SMUG1: variants seen among roughly 807,000 people sequenced by gnomAD.
The protein encoded by SMUG1 is single-strand-selective monofunctional uracil-DNA glycosylase 1.
Under a neutral mutation model 23.9 loss-of-function variants are expected in SMUG1, and 13 were observed. The ratio of observed to expected loss-of-function variants is 0.54; its 90% CI spans 0.35 to 0.86. The LOEUF is 0.86. Ranked by LOEUF, SMUG1 falls within the 40% of genes least tolerant of loss-of-function variation. The pLI, the probability that SMUG1 is intolerant of heterozygous loss-of-function variation, is 0.01. For synonymous variants in SMUG1, 133 were observed against 139.8 expected (o/e 0.95, Z 0.34); for missense variants, 313 against 339.5 (o/e 0.92, Z 0.61).
In SMUG1 at chr12:54,169,795, T is replaced by C. The variant is rs575882566; in HGVS notation, c.*52+2230A>G. Reference sequence around the variant, plus strand: ...GGTACTCAGTAAAATCAGGTAATAGTACATCTGTGGCTTGTTGAGAGCTGA... The same window carrying C: ...GGTACTCAGTAAAATCAGGTAATAGCACATCTGTGGCTTGTTGAGAGCTGA... On this transcript the variant is annotated intron_variant and NMD_transcript_variant, in intron 3 of 4. Coordinates refer to the SMUG1 transcript ENST00000509864. 1.1e-4 allele frequency among the ~76,000 whole-genome samples: 16 copies of C among 152,290 alleles called. No individual in the cohort carries two copies. The South Asian group carries it at 2.9e-3, about 28-fold the overall frequency.
Position 54,181,567 on chromosome 12 carries a change from C to A in SMUG1, c.*529G>T. ...GTCTTCTGACTTGCACTCTGTCACA[C>A]TGGATTTTTCCTCTGATCCAGCTGC... On this transcript the variant is annotated 3_prime_UTR_variant, in exon 4 of 4. Coordinates refer to ENST00000682136, the MANE Select transcript of SMUG1 (RefSeq NM_001243787.2). The A allele has an allele frequency of 6.4e-7, 1 of 1,555,126 alleles. No homozygotes were observed. Among genetic ancestry groups the A allele is most frequent in the Non-Finnish European group, 8.6e-7 (1 of 1,156,752 alleles).
downstream of SMUG1, among the ~76,000 whole-genome samples, chr12:54,162,979 C>A (rs377354600): frequency 4.0e-4 from 61 of 152,184 alleles, no homozygotes; most frequent in African/African-American, 1.4e-3. Context: ...AGGGAGCTGT[C>A]GGGCTAGGAG....
intron 4 of SMUG1, among the ~76,000 whole-genome samples, chr12:54,158,715 C>A (rs1225649507): frequency 6.6e-6 from 1 of 152,122 alleles, no homozygotes; most frequent in Non-Finnish European, 1.5e-5. Flanking sequence ...CCCAACCCAC[C>A]GCTCCAACAA....
chr12:54,188,836 G>A (rs1055457243), intron 1 of SMUG1, 115 bp downstream of exon 1: 1 of 152,030 alleles, frequency 6.6e-6, no homozygotes, highest in African/African-American at 2.4e-5. Context: ...CCCATACGGA[G>A]GGAGGGACCC....
At chr12:54,173,861 C>T (rs1592354392) in intron 2 of SMUG1, among the ~76,000 whole-genome samples, 1 of 151,604 alleles carries the variant, frequency 6.6e-6, no homozygotes, top group African/African-American at 2.4e-5. Context: ...ACACGACAAG[C>T]CCCCCGAAGA....
At chr12:54,171,721 T>C (rs1336351226) in intron 3 of SMUG1, among the ~76,000 whole-genome samples, 3 of 150,010 alleles carry the variant, frequency 2.0e-5, no homozygotes, top group Non-Finnish European at 3.0e-5. Context: ...TATAGACTTG[T>C]GTATTGATTT....
At chr12:54,170,024 C>A (rs529903413) in intron 3 of SMUG1, among the ~76,000 whole-genome samples, 1 of 152,134 alleles carries the variant, frequency 6.6e-6, no homozygotes, top group Admixed American at 6.5e-5. Flanking sequence ...CATGGAGAAA[C>A]CCCGTCTCTA....
At chr12:54,170,261 G>A (rs1940582643) in intron 3 of SMUG1, among the ~76,000 whole-genome samples, 1 of 151,618 alleles carries the variant, frequency 6.6e-6, no homozygotes, top group Non-Finnish European at 1.5e-5. Context: ...TAGCGGCAAA[G>A]CAGTAAAGGT....
intron 1 of SMUG1, chr12:54,188,591 T>C (rs1235044122): frequency 1.3e-5 from 2 of 152,062 alleles, no homozygotes; most frequent in African/African-American, 4.8e-5. Context: ...GCCATTGCAC[T>C]CCAGCCTGGA....
chr12:54,175,647 G>A (rs543802246), downstream of SMUG1, among the ~76,000 whole-genome samples: 5 of 152,270 alleles, frequency 3.3e-5, no homozygotes, highest in African/African-American at 4.8e-5. Context: ...TGCCCAGAGC[G>A]CTGTGTTTAT....
At chr12:54,159,778 T>C (rs1278660503), downstream of SMUG1, among the ~76,000 whole-genome samples, 1 of 152,194 alleles carries the variant, frequency 6.6e-6, no homozygotes, top group Non-Finnish European at 1.5e-5. Flanking sequence ...TTGTCTGCAC[T>C]AGTGCCAGGA....
chr12:54,183,960 C>G lies in SMUG1; in HGVS notation c.-19-1G>C, dbSNP rs775286829. ...GGGCATATGTCCATGCCGCTGTCAC[C>G]TGGGAAAAGAGATGGACAGAAGCCC... is the stretch of plus-strand genomic sequence containing the variant. On this transcript the variant is annotated splice_acceptor_variant, in intron 2 of 3. Transcript: ENST00000682136. LOFTEE classifies it low-confidence loss of function (5UTR_SPLICE). 2.7e-6 allele frequency: 4 copies of G among 1,503,654 alleles called. No individual in the cohort carries two copies. Among genetic ancestry groups the G allele is most frequent in the Non-Finnish European group, 2.7e-6 (3 of 1,128,626 alleles). 93.1% of individuals were successfully genotyped at this position (1,503,654 alleles called of 1,614,324 possible).
Position 54,181,631 on chromosome 12 carries a change from A to C in SMUG1, c.*465T>G, listed in dbSNP as rs771205071. The C allele has an allele frequency of 3.6e-5, 57 of 1,588,192 alleles. No individual in the cohort carries two copies. In the Admixed American group the frequency reaches 6.3e-4, roughly 18 times the overall value. On this transcript the variant is annotated 3_prime_UTR_variant, in exon 4 of 4. Coordinates refer to ENST00000682136, the MANE Select transcript of SMUG1 (RefSeq NM_001243787.2). ...AAGTTCACTCTTAATTTCATGTCCC[A>C]TGCTTTGTCTTGGTCCCTGTGAGGA... is the stretch of plus-strand genomic sequence containing the variant.
downstream of SMUG1, chr12:54,180,221 G>A (rs563220398): frequency 6.6e-6 from 1 of 152,186 alleles, no homozygotes; most frequent in Non-Finnish European, 1.5e-5. Context: ...TGTGGTCTGA[G>A]ATCAAATTCA....
chr12:54,177,868 A>G (rs950434271), downstream of SMUG1, among the ~76,000 whole-genome samples: 2 of 152,174 alleles, frequency 1.3e-5, no homozygotes, highest in African/African-American at 4.8e-5. Flanking sequence ...GGGGACAAAA[A>G]AAGCAGTGAC....
At chr12:54,173,216 A>ACAGGCAGCGCAAGGGAGAGG (rs1240113939) in intron 2 of SMUG1, 1 of 154,028 alleles carries the variant, frequency 6.5e-6, no homozygotes, top group Admixed American at 6.5e-5. Flanking sequence ...GAAGCCACAG[A>ACAGGCAGCGCAAGGGAGAGG]CAGGCAGCGC....
At chr12:54,185,432 C>T (rs915337276) in intron 2 of SMUG1, among the ~76,000 whole-genome samples, 24 of 147,644 alleles carry the variant, frequency 1.6e-4, no homozygotes, top group Non-Finnish European at 1.6e-4. Flanking sequence ...CGTGCCACTG[C>T]ACTCAAGCCT....
chr12:54,174,987 G>A (rs1940717994), intron 2 of SMUG1: 1 of 152,248 alleles, frequency 6.6e-6, no homozygotes, highest in South Asian at 2.1e-4. Flanking sequence ...GAAGAAGAAA[G>A]CAATTCATCT....
downstream of SMUG1, among the ~76,000 whole-genome samples, chr12:54,176,515 CAAAA>C (rs1491114006): frequency 6.5e-5 from 6 of 92,344 alleles, no homozygotes; most frequent in African/African-American, 1.3e-4. Flanking sequence ...TGTCCCCCCC[CAAAA>C]AAAAAGGCCG....
Sources: gnomAD v4.1 joint callset for allele counts (sites outside exome capture counted in the v4.1 genomes callset) on GRCh38, gnomAD v4.1.1 for gene constraint, MANE v1.5 for transcripts, NCBI Gene and HGNC (gene_info 2026-07-23, HGNC 2026-07-21) for gene names.